The following TMPRSS15 variants were observed in gnomAD, a reference collection of about 807,000 sequenced individuals.
TMPRSS15 encodes enteropeptidase.
In TMPRSS15, 128 loss-of-function variants were observed where a neutral mutation model predicts 125.3. The ratio of observed to expected loss-of-function variants is 1.02; its 90% CI spans 0.89 to 1.18. The LOEUF (loss-of-function observed/expected upper bound fraction) is 1.18. Among genes scored for constraint, TMPRSS15 ranks in the 50% most tolerant of loss-of-function variants. The pLI is 0.00. For synonymous variants in TMPRSS15, 446 were observed against 423.2 expected (o/e 1.05, Z -0.66); for missense variants, 1,283 against 1,212.7 (o/e 1.06, Z -0.86).
At chr21:18,415,772 T>C (rs1601455233) in intron 1 of TMPRSS15, among the ~76,000 whole-genome samples, 1 of 152,148 alleles carries the variant, frequency 6.6e-6, no homozygotes, top group East Asian at 1.9e-4. Flanking sequence ...ACTTCTATTC[T>C]GTAAAGTCCT....
At chr21:18,449,858 AACAC>A (rs760464791) in intron 1 of TMPRSS15, among the ~76,000 whole-genome samples, 1 of 81,402 alleles carries the variant, frequency 1.2e-5, no homozygotes, top group African/African-American at 4.1e-5. Flanking sequence ...CTTTCCCTCA[AACAC>A]ACACACACAC....
At chr21:18,293,931 A>T (rs760469738) in intron 21 of TMPRSS15, among the ~76,000 whole-genome samples, 54 of 152,242 alleles carry the variant, frequency 3.5e-4, no homozygotes, top group Admixed American at 3.0e-3. Flanking sequence ...TAACCAGTAC[A>T]ATTTATACAA....
At chr21:18,366,896 T>G (rs986004833) in intron 6 of TMPRSS15, among the ~76,000 whole-genome samples, 1 of 152,052 alleles carries the variant, frequency 6.6e-6, no homozygotes, top group Non-Finnish European at 1.5e-5. Flanking sequence ...AGTGATTCTA[T>G]CAAATTACAT....
chr21:18,343,773 T>C (rs1170770147), intron 11 of TMPRSS15, 117 bp from the exon 12 acceptor site: 4 of 1,313,586 alleles, frequency 3.0e-6, no homozygotes, highest in Non-Finnish European at 4.4e-6. Flanking sequence ...TTCTGGGTTT[T>C]GGAGTTGCTG....
At position 18,270,126 on chromosome 21, in the gene TMPRSS15, T is replaced by TAAAG. The variant is rs1433605280; in HGVS notation, c.2905-6_2905-3dup. On this transcript the variant is annotated splice_region_variant and splice_polypyrimidine_tract_variant and intron_variant, in intron 24 of 24. Transcript: ENST00000284885. ...CATTAATGGTCCTCCTGAATCCCCCTAAAGAGTGAATTGCAAAACAAAATT... is the reference window on the plus strand; with the variant it reads ...CATTAATGGTCCTCCTGAATCCCCCTAAAGAAAGAGTGAATTGCAAAACAAAATT... 6.2e-7 allele frequency: 1 copy of TAAAG among 1,613,718 alleles called. No individual in the cohort carries two copies. The highest frequency in any genetic ancestry group is 2.2e-5 in the East Asian group (1 of 44,862).
intron 1 of TMPRSS15, among the ~76,000 whole-genome samples, chr21:18,435,927 T>A (rs1402871324): frequency 2.8e-4 from 41 of 148,922 alleles, no homozygotes; most frequent in South Asian, 1.7e-3. Context: ...GTAGAGGTGT[T>A]TGTAGTATTC....
chr21:18,474,886 C>T (rs1189147602), intron 1 of TMPRSS15, among the ~76,000 whole-genome samples: 2 of 152,140 alleles, frequency 1.3e-5, no homozygotes, highest in East Asian at 3.9e-4. Flanking sequence ...GACACAGGTA[C>T]AAGAGCTCAA....
chr21:18,397,825 T>C, intron 3 of TMPRSS15, 54 bp downstream of exon 3: 1 of 1,013,854 alleles, frequency 9.9e-7, no homozygotes, highest in African/African-American at 1.6e-5. Context: ...TTACAAATAT[T>C]AGCAAAAAAA....
In TMPRSS15 at chr21:18,318,445, C is replaced by T. The variant is rs139149586; in HGVS notation, c.1922-3189G>A. Among the ~76,000 whole-genome samples the T allele has an allele frequency of 1.9e-3, 284 of 152,242 alleles. 1 individual carries two copies. Among genetic ancestry groups the T allele is most frequent in the East Asian group, 1.9e-3 (10 of 5,182 alleles). On this transcript the variant is annotated intron_variant, in intron 16 of 24. Coordinates refer to ENST00000284885, the MANE Select transcript of TMPRSS15 (RefSeq NM_002772.3). Reference sequence around the variant, plus strand: ...ATAAATAAAAATAAAAACTTCCTATCTTCCAACATTGGAACGATGGGAAGA... The same window carrying T: ...ATAAATAAAAATAAAAACTTCCTATTTTCCAACATTGGAACGATGGGAAGA...
intron 1 of TMPRSS15, among the ~76,000 whole-genome samples, chr21:18,435,195 C>T (rs2076225183): frequency 6.6e-6 from 1 of 152,182 alleles, no homozygotes; most frequent in Non-Finnish European, 1.5e-5. Flanking sequence ...GAGAGGGCAT[C>T]CCTGTCTTGT....
chr21:18,430,487 G>A lies in TMPRSS15; in HGVS notation c.11-32158C>T, dbSNP rs1601460169. Among the ~76,000 whole-genome samples, 9 of 152,172 alleles carry A rather than the reference G, an allele frequency of 5.9e-5. No individual in the cohort carries two copies. The South Asian group carries it at 1.7e-3, about 28-fold the overall frequency. On this transcript the variant is annotated intron_variant, in intron 1 of 7. Coordinates refer to the TMPRSS15 transcript ENST00000422787. ...GGGGATAGATTCATTCTTTATCTTGGTGGTGGTTGCTCAACCAAAACTGGG... is the reference window on the plus strand; with the variant it reads ...GGGGATAGATTCATTCTTTATCTTGATGGTGGTTGCTCAACCAAAACTGGG...
intron 18 of TMPRSS15, among the ~76,000 whole-genome samples, chr21:18,303,501 T>G (rs776303337): frequency 6.6e-6 from 1 of 152,168 alleles, no homozygotes; most frequent in East Asian, 1.9e-4. Flanking sequence ...GTTGAGCAGT[T>G]GGAAGCACTT....
At chr21:18,385,455 C>T (rs1275422259) in intron 3 of TMPRSS15, among the ~76,000 whole-genome samples, 1 of 152,108 alleles carries the variant, frequency 6.6e-6, no homozygotes, top group Non-Finnish European at 1.5e-5. Context: ...TGGCCTTGGT[C>T]AACAGAATCT....
chr21:18,454,171 T>C (rs886214665), intron 1 of TMPRSS15, among the ~76,000 whole-genome samples: 22 of 152,318 alleles, frequency 1.4e-4, no homozygotes, highest in Admixed American at 1.2e-3. Context: ...CTCATGCTTG[T>C]AATATAACCT....
chr21:18,386,259 A>G (rs1010255837), intron 3 of TMPRSS15, among the ~76,000 whole-genome samples: 8 of 152,160 alleles, frequency 5.3e-5, no homozygotes, highest in African/African-American at 1.9e-4. Context: ...CTAGGGTTAT[A>G]CAGCTTATTA....
At chr21:18,466,219 G>A (rs554485444) in intron 1 of TMPRSS15, among the ~76,000 whole-genome samples, 1 of 151,946 alleles carries the variant, frequency 6.6e-6, no homozygotes, top group Non-Finnish European at 1.5e-5. Flanking sequence ...ATGCAGAAAA[G>A]TGAAACTGGA....
intron 1 of TMPRSS15, among the ~76,000 whole-genome samples, chr21:18,423,823 T>C (rs1265239910): frequency 1.3e-5 from 2 of 152,160 alleles, no homozygotes; most frequent in Admixed American, 6.5e-5. Context: ...CTCTAAAAAA[T>C]AAAATATTCC....
In TMPRSS15 at chr21:18,312,994, T is replaced by G; in HGVS notation, c.2116A>C (p.Asn706His). ...TCATTTGAAATCTGGGTGGTCCAGT[T>G]CTCAGCACAAGCTGTATGCCATATG... is the stretch of plus-strand genomic sequence containing the variant. ...QSIWHTACAE[N>H]WTTQISNDVC... Residue 706 changes from asparagine to histidine, a missense_variant, in exon 18 of 25, where the codon AAC (asparagine) becomes CAC (histidine). Coordinates refer to ENST00000284885, the MANE Select transcript of TMPRSS15 (RefSeq NM_002772.3). The G allele has an allele frequency of 6.2e-7, 1 of 1,614,034 alleles. No individual in the cohort carries two copies. Among genetic ancestry groups the G allele is most frequent in the South Asian group, 1.1e-5 (1 of 91,072 alleles).
intron 1 of TMPRSS15, among the ~76,000 whole-genome samples, chr21:18,472,866 A>G (rs1051855645): frequency 1.3e-5 from 2 of 152,136 alleles, no homozygotes; most frequent in Non-Finnish European, 2.9e-5. Context: ...AAATGTGAAC[A>G]GTAGGTAGTT....
Sources: allele counts gnomAD v4.1 joint callset (sites outside exome capture counted in the v4.1 genomes callset), GRCh38; gene constraint gnomAD v4.1.1; transcripts MANE v1.5; gene names NCBI Gene and HGNC (gene_info 2026-07-23, HGNC 2026-07-21).